The following GDAP1 variants were observed in gnomAD, a reference collection of about 807,000 sequenced individuals.
GDAP1 encodes ganglioside-induced differentiation-associated protein 1.
In GDAP1, 34 loss-of-function variants were observed where a neutral mutation model predicts 40.1. That is an observed-to-expected ratio of 0.85 (90% CI 0.64 to 1.13). GDAP1 has a LOEUF of 1.13. Among genes scored for constraint, GDAP1 ranks in the 50% most tolerant of loss-of-function variants. The pLI, the probability that GDAP1 is intolerant of heterozygous loss-of-function variation, is 0.00. For synonymous variants in GDAP1, 170 were observed against 157.4 expected, an observed-to-expected ratio of 1.08 and a Z score of -0.60; for missense variants, 374 against 433.7, an observed-to-expected ratio of 0.86 and a Z score of 1.22.
chr8:74,411,497 A>G (rs1172736549), intron 2 of GDAP1, among the ~76,000 whole-genome samples: 3 of 147,770 alleles, frequency 2.0e-5, no homozygotes, highest in Admixed American at 2.0e-4. Flanking sequence ...AAATACTACT[A>G]AACTAGTATT....
intron 2 of GDAP1, among the ~76,000 whole-genome samples, chr8:74,483,474 G>A (rs956748175): frequency 7.9e-5 from 12 of 152,102 alleles, no homozygotes; most frequent in African/African-American, 2.9e-4. Context: ...TGGATAGGAA[G>A]TCATTCATTT....
Position 74,372,909 on chromosome 8 carries a change from T to G in GDAP1, c.165+21588T>G, listed in dbSNP as rs1467206676. ...GTTTTTATGGTTTTAGGTCTAACAT[T>G]TAAGTCTTTAATCCATCTTGAATTA... On this transcript the variant is annotated intron_variant, in intron 2 of 2. Transcript: ENST00000523640. Among the ~76,000 whole-genome samples, 81 of 152,280 alleles carry G rather than the reference T, an allele frequency of 5.3e-4. No individual in the cohort carries two copies. In the East Asian group the frequency reaches 5.6e-3, roughly 11 times the overall value.
At chr8:74,426,532 A>G (rs1805949756) in intron 2 of GDAP1, among the ~76,000 whole-genome samples, 1 of 152,222 alleles carries the variant, frequency 6.6e-6, no homozygotes, top group South Asian at 2.1e-4. Flanking sequence ...TATAGCTAGA[A>G]ATGTAACATT....
intron 2 of GDAP1, among the ~76,000 whole-genome samples, chr8:74,381,078 A>G (rs1340373663): frequency 9.1e-6 from 1 of 109,538 alleles, no homozygotes; most frequent in Non-Finnish European, 1.9e-5. Context: ...GAGGGATGTT[A>G]TTTGAGTGTG....
At chr8:74,425,556 G>A (rs532860134) in intron 2 of GDAP1, among the ~76,000 whole-genome samples, 1 of 152,272 alleles carries the variant, frequency 6.6e-6, no homozygotes, top group African/African-American at 2.4e-5. Flanking sequence ...AAGACTGGGA[G>A]GAAGCGGGGC....
At chr8:74,379,146 C>CATGAGAAAGGGTA (rs59700909) in intron 2 of GDAP1, among the ~76,000 whole-genome samples, 295 of 152,042 alleles carry the variant, frequency 1.9e-3, no homozygotes, top group African/African-American at 6.7e-3. Flanking sequence ...CTTTCAGGGT[C>CATGAGAAAGGGTA]CGACTCAGGC....
intron 2 of GDAP1, among the ~76,000 whole-genome samples, chr8:74,396,278 GT>G (rs1810197766): frequency 1.3e-5 from 2 of 151,500 alleles, no homozygotes; most frequent in African/African-American, 4.8e-5. Context: ...CAATTCCAAT[GT>G]CATATTATTT....
chr8:74,458,522 A>G (rs1340027392), intron 2 of GDAP1, among the ~76,000 whole-genome samples: 7 of 152,206 alleles, frequency 4.6e-5, no homozygotes, highest in Non-Finnish European at 8.8e-5. Context: ...GAAGCAGTGC[A>G]AGGTCCATCC....
chr8:74,359,071 CTT>C (rs1398120512), intron 2 of GDAP1, among the ~76,000 whole-genome samples: 1 of 152,118 alleles, frequency 6.6e-6, no homozygotes, highest in Non-Finnish European at 1.5e-5. Flanking sequence ...GCATCCTTCA[CTT>C]TTATTCTTTT....
intron 2 of GDAP1, among the ~76,000 whole-genome samples, chr8:74,407,586 C>T (rs1157613570): frequency 6.7e-6 from 1 of 149,966 alleles, no homozygotes; most frequent in Admixed American, 6.6e-5. Context: ...CCTCAGCTTG[C>T]TGACAGCCTA....
At chr8:74,394,132 G>A (rs1810155482) in intron 2 of GDAP1, among the ~76,000 whole-genome samples, 1 of 152,182 alleles carries the variant, frequency 6.6e-6, no homozygotes, top group African/African-American at 2.4e-5. Flanking sequence ...TGGAAGGCAG[G>A]GAGGAGCAAG....
chr8:74,361,884 G>T lies in GDAP1; in HGVS notation c.485G>T (p.Ser162Ile). 1 of 1,563,342 alleles carries T rather than the reference G, an allele frequency of 6.4e-7. No individual in the cohort carries two copies. The highest frequency in any genetic ancestry group is 8.8e-7 in the Non-Finnish European group (1 of 1,133,082). Residue 162 changes from serine to isoleucine, a missense_variant and splice_region_variant, in exon 4 of 6, where the codon AGC (serine) becomes ATC (isoleucine). Ser to Ile is a moderately radical substitution (Grantham distance 142). Transcript: ENST00000220822. ...IPAYATTRIRSQIGNTESELK... is the reference protein window; with the variant it reads ...IPAYATTRIRIQIGNTESELK... ...GTTTCCAAAATGTTTTTATTATCAGGCCAAATTGGAAACACAGAGTCTGAG... is the reference window on the plus strand; with the variant it reads ...GTTTCCAAAATGTTTTTATTATCAGTCCAAATTGGAAACACAGAGTCTGAG...
At chr8:74,384,742 T>C (rs1810001115) in intron 2 of GDAP1, among the ~76,000 whole-genome samples, 1 of 152,174 alleles carries the variant, frequency 6.6e-6, no homozygotes, top group African/African-American at 2.4e-5. Flanking sequence ...AAGAAGTTGA[T>C]CTCTGTCGCC....
chr8:74,422,721 C>G (rs969081324), intron 2 of GDAP1, among the ~76,000 whole-genome samples: 2 of 151,602 alleles, frequency 1.3e-5, no homozygotes, highest in Non-Finnish European at 2.9e-5. Flanking sequence ...TTTGCAAAAC[C>G]CCTTTATTCT....
chr8:74,422,293 CT>C (rs1244881378), intron 2 of GDAP1, among the ~76,000 whole-genome samples: 1 of 24,346 alleles, frequency 4.1e-5, no homozygotes, highest in South Asian at 1.8e-3. Context: ...TCTTTTCTTT[CT>C]TTCTTTCTTT....
intron 2 of GDAP1, among the ~76,000 whole-genome samples, chr8:74,430,519 G>T (rs1806011928): frequency 6.6e-6 from 1 of 152,100 alleles, no homozygotes; most frequent in Middle Eastern, 3.2e-3. Flanking sequence ...AGAGTAAAGT[G>T]TATACAGTAT....
intron 2 of GDAP1, among the ~76,000 whole-genome samples, chr8:74,467,304 C>G (rs540585133): frequency 2.0e-5 from 3 of 152,100 alleles, no homozygotes; most frequent in African/African-American, 7.2e-5. Context: ...GATCATGAGT[C>G]ATGAATTAAA....
At chr8:74,396,184 C>G (rs1220072437) in intron 2 of GDAP1, among the ~76,000 whole-genome samples, 1 of 152,048 alleles carries the variant, frequency 6.6e-6, no homozygotes, top group Non-Finnish European at 1.5e-5. Flanking sequence ...CTCCCTTATA[C>G]AGTTGGTTTT....
rs566789193 is a variant in GDAP1 at position 74,471,483 on chromosome 8, T to G, written c.166-17195T>G. Among the ~76,000 whole-genome samples the G allele has an allele frequency of 2.0e-5, 3 of 152,220 alleles. No individual in the cohort carries two copies. The South Asian group carries it at 6.2e-4, about 32-fold the overall frequency. ...AAAAAAATAATTCCTTCCTTTTGTT[T>G]TCTATTGGTTTATTTTGATATTCTT... On this transcript the variant is annotated intron_variant, in intron 2 of 2. Coordinates refer to the GDAP1 transcript ENST00000523640.
Sources: gnomAD v4.1 joint callset for allele counts (sites outside exome capture counted in the v4.1 genomes callset) on GRCh38, gnomAD v4.1.1 for gene constraint, MANE v1.5 for transcripts, NCBI Gene and HGNC (gene_info 2026-07-23, HGNC 2026-07-21) for gene names.